POLL: variants seen among roughly 807,000 people sequenced by gnomAD.
POLL encodes the protein DNA polymerase lambda.
POLL carries 44 observed loss-of-function variants against 58.1 expected under a neutral mutation model. That is an observed-to-expected ratio of 0.76 (90% CI 0.60 to 0.97). The LOEUF is 0.97. POLL is among the 50% of genes least tolerant of loss of function. The pLI is 0.00. For missense variants in POLL, 632 were observed against 736.8 expected, an observed-to-expected ratio of 0.86 and a Z score of 1.65; for synonymous variants, 290 against 283.2, an observed-to-expected ratio of 1.02 and a Z score of -0.24.
chr10:101,583,980 A>G (rs961865935), intron 5 of POLL, among the ~76,000 whole-genome samples: 4 of 152,206 alleles, frequency 2.6e-5, no homozygotes, highest in Admixed American at 2.6e-4. Context: ...TCCAACAGCA[A>G]GAGCTAACAT....
chr10:101,579,402 A>T lies in POLL; in HGVS notation c.*51T>A. 6.5e-7 allele frequency: 1 copy of T among 1,540,278 alleles called. No homozygotes were observed. Among genetic ancestry groups the T allele is most frequent in the Non-Finnish European group, 8.7e-7 (1 of 1,149,022 alleles). On this transcript the variant is annotated 3_prime_UTR_variant, in exon 9 of 9. Coordinates refer to ENST00000370162, the MANE Select transcript of POLL (RefSeq NM_001174084.2). This position sits in a 1 kb window ranked among gnomAD's most constrained non-coding sequence, Gnocchi z 4.4. ...AGGCTGGAGGGAGTACTGGGTGGCC[A>T]GGAGGGGTAGCCAGTCCAACTCGGC...
intron 6 of POLL, 173 bp from the exon 7 acceptor site, chr10:101,583,064 A>C (rs1195846474): frequency 1.4e-6 from 1 of 704,394 alleles, no homozygotes; most frequent in African/African-American, 1.8e-5. Context: ...GGCAGGGAGC[A>C]TGGGAAACAT....
At position 101,580,771 on chromosome 10, in the gene POLL, C is replaced by T. The variant is rs963849514; in HGVS notation, c.1195-355G>A. The T allele has an allele frequency of 5.1e-6, 1 of 197,518 alleles. No individual in the cohort carries two copies. The highest frequency in any genetic ancestry group is 1.0e-5 in the Non-Finnish European group (1 of 97,530). The allele number at this position is 197,518 out of a possible 1,614,324, so 12.2% of individuals were successfully genotyped here. On this transcript the variant is annotated intron_variant, in intron 7 of 8. Coordinates refer to ENST00000370162, the MANE Select transcript of POLL (RefSeq NM_001174084.2). The surrounding 1 kb of genome is among the most constrained non-coding windows in gnomAD (Gnocchi z 4.1). ...CCACGTGCCCAGGTCTGTGAAACTC[C>T]ACTTAGGACAAGGGGCCAGGTGCTG...
rs1589690342 is a variant in POLL, at chr10:101,585,434, GA to G, written c.454del (p.Ser152LeufsTer163). 6.3e-7 allele frequency: 1 copy of G among 1,599,994 alleles called. No homozygotes were observed. The highest frequency in any genetic ancestry group is 2.2e-5 in the East Asian group (1 of 44,632). On this transcript the variant is annotated frameshift_variant, in exon 4 of 9. Transcript: ENST00000370162. LOFTEE classifies it high-confidence loss of function. The stretch of plus-strand genomic sequence containing the variant: ...GGCCTCATGGGTGCCAGGAGGAATA[GA>G]AGCATCCTGCTCTGCCTTGCTGGGC... ...PQPSKAEQDA[S>X]IPPGTHEALL...
Position 101,579,294 on chromosome 10 carries a change from G to C in POLL, c.*159C>G. 1 of 787,038 alleles carries C rather than the reference G, an allele frequency of 1.3e-6. No homozygotes were observed. The highest frequency in any genetic ancestry group is 2.9e-5 in the Admixed American group (1 of 34,272). 48.8% of individuals were successfully genotyped at this position (787,038 alleles called of 1,614,324 possible). A position where few individuals can be genotyped will look rare whatever the true frequency, so the allele number is the denominator to read the frequency against. ...GAGCCGGGCAGACACTGGGAGCCGG[G>C]CTGGCTCTTGCTTCAGGCCCAGAGC... On this transcript the variant is annotated 3_prime_UTR_variant, in exon 9 of 9. Transcript: ENST00000370162. The surrounding 1 kb of genome is among the most constrained non-coding windows in gnomAD (Gnocchi z 4.4).
Position 101,585,992 on chromosome 10 carries a change from C to T in POLL, c.280G>A (p.Ala94Thr), listed in dbSNP as rs745634557. ...VVDEGMDYER[A>T]LRLLRLPQLP... is the part of the protein sequence containing the mutation. ...TGGGGTAGTCTGAGAAGGCGGAGGG[C>T]TCGCTCATAGTCCATGCCTTCATCC... The change falls in exon 3 of 9, where the codon GCC becomes ACC. Residue 94 changes from alanine (A) to threonine (T), a missense_variant. Physicochemically the swap from Ala to Thr is moderately conservative, Grantham distance 58 (BLOSUM62 0). Coordinates refer to ENST00000370162, the MANE Select transcript of POLL (RefSeq NM_001174084.2). 8 of 1,614,148 alleles carry T rather than the reference C, an allele frequency of 5.0e-6. No individual in the cohort carries two copies. In the South Asian group the frequency reaches 5.5e-5, roughly 11 times the overall value.
chr10:101,579,659 C>A lies in POLL; in HGVS notation c.1522G>T (p.Gly508Cys). The change falls in exon 9 of 9, where the codon GGC (glycine) becomes TGC (cysteine). Residue 508 changes from glycine (G) to cysteine (C), a missense_variant. Gly to Cys is a radical substitution (Grantham distance 159). Coordinates refer to ENST00000370162, the MANE Select transcript of POLL (RefSeq NM_001174084.2). The surrounding 1 kb of genome is among the most constrained non-coding windows in gnomAD (Gnocchi z 4.4). ...ATGGAGCGGTTGAAGTGTGCAGAGC[C>A]GGTGAAGTAGAGCAGGGCACAGGCA... is the stretch of plus-strand genomic sequence containing the variant. ...EFACALLYFT[G>C]SAHFNRSMRA... 6.2e-7 allele frequency: 1 copy of A among 1,613,800 alleles called. No individual in the cohort carries two copies. Among genetic ancestry groups the A allele is most frequent in the Non-Finnish European group, 8.5e-7 (1 of 1,179,982 alleles).
At position 101,584,597 on chromosome 10, in the gene POLL, G is replaced by T. The variant is rs764767835; in HGVS notation, c.891+5C>A. 7.1e-6 allele frequency: 11 copies of T among 1,538,886 alleles called. No homozygotes were observed. Among genetic ancestry groups the T allele is most frequent in the Non-Finnish European group, 7.9e-6 (9 of 1,141,270 alleles). ...ACCCCTCCTCCCACTCTAGCCCCTGGGTACCTGGTACGAGGTGACAGGCTT... is the reference window on the plus strand; with the variant it reads ...ACCCCTCCTCCCACTCTAGCCCCTGTGTACCTGGTACGAGGTGACAGGCTT... On this transcript the variant is annotated splice_donor_5th_base_variant and intron_variant, in intron 5 of 8. Coordinates refer to ENST00000370162, the MANE Select transcript of POLL (RefSeq NM_001174084.2).
chr10:101,580,481 A>G lies in POLL; in HGVS notation c.1195-65T>C. On this transcript the variant is annotated intron_variant, in intron 7 of 8. Transcript: ENST00000370162. The surrounding 1 kb of genome is among the most constrained non-coding windows in gnomAD (Gnocchi z 4.1). ...GGGAGCTCCTCTCCCACAGCAGTACAAGGGCCTTCCCAGACTCGGGCCCAC... is the reference window on the plus strand; with the variant it reads ...GGGAGCTCCTCTCCCACAGCAGTACGAGGGCCTTCCCAGACTCGGGCCCAC... 6.8e-7 allele frequency: 1 copy of G among 1,462,792 alleles called. No individual in the cohort carries two copies. The highest frequency in any genetic ancestry group is 9.4e-7 in the Non-Finnish European group (1 of 1,058,932). 90.6% of individuals were successfully genotyped at this position (1,462,792 alleles called of 1,614,324 possible). A position where few individuals can be genotyped will look rare whatever the true frequency, so the allele number is the denominator to read the frequency against.
At chr10:101,587,152 C>T in intron 2 of POLL, 94 bp downstream of exon 2, 1 of 1,610,290 alleles carries the variant, frequency 6.2e-7, no homozygotes, top group Non-Finnish European at 8.5e-7. Context: ...GAGTCAGCTC[C>T]AATATCTGAT....
chr10:101,588,180 G>T lies in POLL; in HGVS notation c.-405C>A. The T allele has an allele frequency of 6.5e-7, 1 of 1,527,554 alleles. No individual in the cohort carries two copies. Among genetic ancestry groups the T allele is most frequent in the Non-Finnish European group, 8.8e-7 (1 of 1,139,108 alleles). 94.6% of individuals were successfully genotyped at this position (1,527,554 alleles called of 1,614,324 possible). ...CTACTGGCCAAGCTAGTCACCCGGG[G>T]GTGGGCAGGAATAGACCACTTACCA... is the stretch of plus-strand genomic sequence containing the variant. On this transcript the variant is annotated 5_prime_UTR_variant, in exon 1 of 9. Transcript: ENST00000370162.
chr10:101,582,630 G>A, intron 7 of POLL, 133 bp downstream of exon 7: 1 of 928,560 alleles, frequency 1.1e-6, no homozygotes, highest in Non-Finnish European at 1.7e-6. Flanking sequence ...CTTGCTCTGT[G>A]CTCAACCTCT....
chr10:101,583,107 G>C lies in POLL; in HGVS notation c.1066-216C>G, dbSNP rs938816564. ...TCCAGCCCTGCCACTATCCTAAGAT[G>C]CTCGTTCATGATTCCATCAGTCTGA... On this transcript the variant is annotated intron_variant, in intron 6 of 8. Transcript: ENST00000370162. 5 of 634,240 alleles carry C rather than the reference G, an allele frequency of 7.9e-6. No homozygotes were observed. The African/African-American group carries it at 9.1e-5, about 12-fold the overall frequency. The allele number at this position is 634,240 out of a possible 1,614,324, so 39.3% of individuals were successfully genotyped here.
intron 5 of POLL, 75 bp from the exon 6 acceptor site, chr10:101,583,756 G>A (rs1203204503): frequency 1.3e-5 from 17 of 1,342,404 alleles, no homozygotes; most frequent in Non-Finnish European, 1.7e-5. Context: ...AAAGGAAGCT[G>A]ACTCCTCTAG....
rs1161941371 is a variant in POLL at position 101,587,841 on chromosome 10, A to G, written c.-66T>C. The G allele has an allele frequency of 2.5e-6, 3 of 1,189,974 alleles. No individual in the cohort carries two copies. The Admixed American group carries it at 1.1e-4, about 45-fold the overall frequency. The allele number at this position is 1,189,974 out of a possible 1,614,324, so 73.7% of individuals were successfully genotyped here. On this transcript the variant is annotated 5_prime_UTR_variant, in exon 1 of 9. Coordinates refer to ENST00000370162, the MANE Select transcript of POLL (RefSeq NM_001174084.2). ...CTCTACCTCCAACACAGACTCGCAG[A>G]GGAAGGAGGAGGACTTTCGGGGGTG...
In POLL at chr10:101,579,196, C is replaced by A; in HGVS notation, c.*257G>T. 1 of 495,462 alleles carries A rather than the reference C, an allele frequency of 2.0e-6. No homozygotes were observed. Among genetic ancestry groups the A allele is most frequent in the Non-Finnish European group, 3.6e-6 (1 of 280,194 alleles). 30.7% of individuals were successfully genotyped at this position (495,462 alleles called of 1,614,324 possible). On this transcript the variant is annotated 3_prime_UTR_variant, in exon 9 of 9. Transcript: ENST00000370162. The surrounding 1 kb of genome is among the most constrained non-coding windows in gnomAD (Gnocchi z 4.4). ...GGGGCAAGGGGCCATTTGCAAAATT[C>A]TTCGAGGGGCAGTGGTGAGGTAGAA...
In POLL at chr10:101,585,381, G is replaced by C. The variant is rs1468338110; in HGVS notation, c.508C>G (p.Pro170Ala). 1.2e-5 allele frequency: 19 copies of C among 1,608,554 alleles called. No individual in the cohort carries two copies. Among genetic ancestry groups the C allele is most frequent in the African/African-American group, 2.7e-5 (2 of 74,698 alleles). The change falls in exon 4 of 9, where the codon CCT becomes GCT. Residue 170 changes from proline (P) to alanine (A), a missense_variant. Coordinates refer to ENST00000370162, the MANE Select transcript of POLL (RefSeq NM_001174084.2). ...GGAGACACAGGCCTGGTGGGAGGAG[G>C]AGGAGGAGAAAGGGCTGTCTGAAGC... The part of the protein sequence containing the change: ...ALLQTALSPP[P>A]PPTRPVSPPQ...
At chr10:101,585,698 G>A (rs755556340) in intron 3 of POLL, among the ~76,000 whole-genome samples, 164 bp downstream of exon 3, 1 of 152,038 alleles carries the variant, frequency 6.6e-6, no homozygotes, top group South Asian at 2.1e-4. Context: ...AACCTCCCTG[G>A]CTCAATCAAT....
chr10:101,587,402 G>A lies in POLL; in HGVS notation c.-42C>T, dbSNP rs2063432639. 23 of 1,612,492 alleles carry A rather than the reference G, an allele frequency of 1.4e-5. No individual in the cohort carries two copies. The highest frequency in any genetic ancestry group is 1.9e-5 in the Non-Finnish European group (22 of 1,179,700). On this transcript the variant is annotated 5_prime_UTR_variant, in exon 2 of 9. Transcript: ENST00000370162. ...CCCGGCCTATTGGAGCGTTGGTCAGGGCTGCTGCACGTGGAAATCCAGAAT... is the reference window on the plus strand; with the variant it reads ...CCCGGCCTATTGGAGCGTTGGTCAGAGCTGCTGCACGTGGAAATCCAGAAT...
Sources: allele counts gnomAD v4.1 joint callset (sites outside exome capture counted in the v4.1 genomes callset), GRCh38; gene constraint gnomAD v4.1.1; non-coding constraint Gnocchi (gnomAD v3.1); transcripts MANE v1.5; gene names NCBI Gene and HGNC (gene_info 2026-07-23, HGNC 2026-07-21).